DNAH9: variants seen among roughly 807,000 people sequenced by gnomAD.
The protein encoded by DNAH9 is dynein axonemal heavy chain 9.
Under a neutral mutation model 471.6 loss-of-function variants are expected in DNAH9, and 345 were observed. That is an observed-to-expected ratio of 0.73 (90% CI 0.67 to 0.80). The LOEUF (loss-of-function observed/expected upper bound fraction) is 0.80. Ranked by LOEUF, DNAH9 falls within the 30% of genes least tolerant of loss-of-function variation. The probability of loss-of-function intolerance (pLI) is 0.00; values close to 1 mark genes in which losing one functional copy is unlikely to be tolerated. For missense variants in DNAH9, 5,407 were observed against 5,609.2 expected (o/e 0.96, Z 1.15); for synonymous variants, 2,093 against 2,123.6 (o/e 0.99, Z 0.40).
In DNAH9 at chr17:11,767,267, G is replaced by T. The variant is rs1014813872; in HGVS notation, c.7171-1186G>T. ...AATCTGGTTTTCGTAGAAAGTTGAA[G>T]GTCTTGAAGCGTATTATCTAGGAGT... is the stretch of plus-strand genomic sequence containing the variant. On this transcript the variant is annotated intron_variant, in intron 36 of 68. Coordinates refer to ENST00000262442, the MANE Select transcript of DNAH9 (RefSeq NM_001372.4). Among the ~76,000 whole-genome samples the T allele has an allele frequency of 9.8e-5, 15 of 152,286 alleles. No individual in the cohort carries two copies. The East Asian group carries it at 2.9e-3, about 29-fold the overall frequency.
chr17:11,681,330 G>C (rs1480922796), intron 19 of DNAH9, among the ~76,000 whole-genome samples: 2 of 152,240 alleles, frequency 1.3e-5, no homozygotes, highest in South Asian at 2.1e-4. Context: ...TTCTTCAGGG[G>C]GTTTCTCTCT....
At chr17:11,966,685 G>A (rs79485154) in intron 68 of DNAH9, among the ~76,000 whole-genome samples, 1,640 of 152,308 alleles carry the variant, frequency 0.011, 32 homozygotes, top group African/African-American at 0.038. Flanking sequence ...GTATAAAGAT[G>A]TAATGTAAAT....
chr17:11,748,042 C>T (rs748554801), intron 32 of DNAH9, among the ~76,000 whole-genome samples: 4 of 151,208 alleles, frequency 2.6e-5, no homozygotes, highest in Non-Finnish European at 5.9e-5. Context: ...CAGTGGCTCA[C>T]GCCTGTAATC....
intron 32 of DNAH9, among the ~76,000 whole-genome samples, chr17:11,751,784 T>G (rs1967160314): frequency 6.6e-6 from 1 of 151,956 alleles, no homozygotes; most frequent in African/African-American, 2.4e-5. Context: ...AAAAAAAAAT[T>G]AGAGGAAAGG....
In DNAH9 at chr17:11,768,497, G is replaced by A. The variant is rs940620887; in HGVS notation, c.7215G>A (p.Glu2405=). 3 of 1,614,144 alleles carry A rather than the reference G, an allele frequency of 1.9e-6. No individual in the cohort carries two copies. Among genetic ancestry groups the A allele is most frequent in the Admixed American group, 3.3e-5 (2 of 60,026 alleles). The change falls in exon 37 of 69, where the codon GAG becomes GAA. Residue 2405 remains glutamate, a synonymous_variant. Transcript: ENST00000262442. ...AGTTCAGCAAATGGTGGCTGACTGA[G>A]TTCAAAACAGTCAAGTTTCCTTCCC... ...RAEFSKWWLT[E]FKTVKFPSQG... is the part of the protein sequence containing the mutation.
intron 61 of DNAH9, among the ~76,000 whole-genome samples, chr17:11,915,207 T>C (rs905026607): frequency 2.0e-5 from 3 of 152,192 alleles, no homozygotes; most frequent in Admixed American, 6.5e-5. Flanking sequence ...AATGTGATTG[T>C]ATCACTCTTC....
At chr17:11,869,322 A>G in intron 51 of DNAH9, 69 bp downstream of exon 51, 1 of 1,587,028 alleles carries the variant, frequency 6.3e-7, no homozygotes, top group Non-Finnish European at 8.6e-7. Context: ...GTGGAGGTGC[A>G]AGATAGATGA....
At chr17:11,966,162 A>T in intron 68 of DNAH9, among the ~76,000 whole-genome samples, 1 of 152,224 alleles carries the variant, frequency 6.6e-6, no homozygotes, top group Non-Finnish European at 1.5e-5. Flanking sequence ...CCATACCAAG[A>T]CATATTATAG....
intron 37 of DNAH9, 96 bp from the exon 38 acceptor site, chr17:11,769,026 C>T (rs1037099205): frequency 4.3e-5 from 56 of 1,300,252 alleles, no homozygotes; most frequent in Admixed American, 1.6e-4. Flanking sequence ...TCCATCGTGA[C>T]GGAATCCCCT....
chr17:11,726,500 T>C lies in DNAH9; in HGVS notation c.5710-1318T>C, dbSNP rs72810889. Among the ~76,000 whole-genome samples the C allele has an allele frequency of 9.9e-3, 1,514 of 152,304 alleles. 11 individuals carry two copies. Among genetic ancestry groups the C allele is most frequent in the Non-Finnish European group, 0.016 (1,068 of 68,018 alleles). On this transcript the variant is annotated intron_variant, in intron 27 of 68. Transcript: ENST00000262442. Reference sequence around the variant, plus strand: ...CTTTCAGGCCTGTGGTTCCGCGGAATAAACTTTGTGAAGTACTGTTGTGCT... The same window carrying C: ...CTTTCAGGCCTGTGGTTCCGCGGAACAAACTTTGTGAAGTACTGTTGTGCT...
At position 11,821,977 on chromosome 17, in the gene DNAH9, G is replaced by A; in HGVS notation, c.8765G>A (p.Arg2922Lys). The change falls in exon 46 of 69, where the codon AGG (arginine) becomes AAG (lysine). Residue 2922 changes from arginine to lysine, a missense_variant. Physicochemically the swap from Arg to Lys is conservative, Grantham distance 26. Transcript: ENST00000262442. ...GTTGAAAACATCATAAGCAATGTGA[G>A]GAATGAAGTCAAGAGCCAGGGTCTG... ...DEVENIISNVRNEVKSQGLVD... is the reference protein window; with the variant it reads ...DEVENIISNVKNEVKSQGLVD... 8.1e-6 allele frequency: 13 copies of A among 1,614,170 alleles called. No individual in the cohort carries two copies. The highest frequency in any genetic ancestry group is 1.1e-5 in the Non-Finnish European group (13 of 1,180,016).
intron 53 of DNAH9, chr17:11,875,603 A>G (rs1451805123): frequency 1.9e-5 from 3 of 160,794 alleles, no homozygotes; most frequent in African/African-American, 7.2e-5. Context: ...AGCCACATAC[A>G]AAGAACAAAA....
At chr17:11,803,832 T>A (rs1056707477) in intron 43 of DNAH9, among the ~76,000 whole-genome samples, 1 of 152,236 alleles carries the variant, frequency 6.6e-6, no homozygotes, top group African/African-American at 2.4e-5. Context: ...CCTCCATGCC[T>A]GCCTCTCTCT....
intron 10 of DNAH9, 114 bp from the exon 11 acceptor site, chr17:11,644,517 G>A: frequency 1.4e-6 from 1 of 739,648 alleles, no homozygotes; most frequent in South Asian, 1.9e-5. Flanking sequence ...AGGGCTGTTT[G>A]GAAACGAGCC....
chr17:11,872,686 T>C (rs529280361), intron 52 of DNAH9, among the ~76,000 whole-genome samples: 30 of 152,190 alleles, frequency 2.0e-4, no homozygotes, highest in African/African-American at 7.2e-4. Context: ...TTTGGGAGGT[T>C]GAGGCGGGCG....
At chr17:11,659,607 A>G (rs1002618024) in intron 14 of DNAH9, among the ~76,000 whole-genome samples, 3 of 152,238 alleles carry the variant, frequency 2.0e-5, no homozygotes, top group Non-Finnish European at 4.4e-5. Flanking sequence ...CTTGAATTAG[A>G]AGAACCTGTT....
At chr17:11,718,427 G>T (rs1260927952) in intron 26 of DNAH9, among the ~76,000 whole-genome samples, 1 of 152,254 alleles carries the variant, frequency 6.6e-6, no homozygotes, top group Non-Finnish European at 1.5e-5. Context: ...CTACGCACAA[G>T]TCTTTGTGTA....
In DNAH9 at chr17:11,742,190, G is replaced by A. The variant is rs1597577677; in HGVS notation, c.5988G>A (p.Val1996=). 2 of 1,614,032 alleles carry A rather than the reference G, an allele frequency of 1.2e-6. No individual in the cohort carries two copies. The highest frequency in any genetic ancestry group is 1.7e-6 in the Non-Finnish European group (2 of 1,179,966). ...CTATACTCAGGCCTTGTGCAATGGT[G>A]GTTCCAGACTTTGAATTGATCTGTG... ...LKSLFRPCAM[V]VPDFELICEI... The change falls in exon 30 of 69, where the codon GTG becomes GTA. Residue 1996 remains valine (V), a synonymous_variant. Transcript: ENST00000262442.
At chr17:11,693,294 G>C (rs1419542387) in intron 20 of DNAH9, among the ~76,000 whole-genome samples, 2 of 140,060 alleles carry the variant, frequency 1.4e-5, no homozygotes, top group Non-Finnish European at 3.0e-5. Context: ...GTCCAGGCTG[G>C]AGTACAGTGG....
Sources: gnomAD v4.1 joint callset for allele counts (sites outside exome capture counted in the v4.1 genomes callset) on GRCh38, gnomAD v4.1.1 for gene constraint, MANE v1.5 for transcripts, NCBI Gene and HGNC (gene_info 2026-07-23, HGNC 2026-07-21) for gene names.